Variants in ZNF440 observed in about 807,000 individuals in gnomAD.
The protein encoded by ZNF440 is zinc finger protein 440.
Under a neutral mutation model 49.7 loss-of-function variants are expected in ZNF440, and 47 were observed. The observed-to-expected ratio is 0.95, with a 90% CI of 0.75 to 1.21. ZNF440 has a LOEUF of 1.21. Among genes scored for constraint, ZNF440 ranks in the 50% most tolerant of loss-of-function variants. The pLI, the probability that ZNF440 is intolerant of heterozygous loss-of-function variation, is 0.00. For synonymous variants in ZNF440, 255 were observed against 237.7 expected (o/e 1.07, Z -0.67); for missense variants, 703 against 715.0 (o/e 0.98, Z 0.19).
rs370416370 is a variant in ZNF440, at chr19:11,831,913, A to C, written c.737A>C (p.His246Pro). The change falls in exon 4 of 4, where the codon CAT becomes CCT. Residue 246 changes from histidine (H) to proline (P), a missense_variant. By Grantham distance (77) the His-to-Pro change is moderately conservative (BLOSUM62 -2). Coordinates refer to ENST00000304060, the MANE Select transcript of ZNF440 (RefSeq NM_152357.3). ...AGTTATTCTGCTACCCATCGAATAC[A>C]TAAAAGAACTCACACTGGAGAAAAG... is the stretch of plus-strand genomic sequence containing the variant. Reference protein sequence around the residue: ...SFSYSATHRIHKRTHTGEKPY... With the variant: ...SFSYSATHRIPKRTHTGEKPY... 1 of 1,614,000 alleles carries C rather than the reference A, an allele frequency of 6.2e-7. No individual in the cohort carries two copies. The highest frequency in any genetic ancestry group is 1.3e-5 in the African/African-American group (1 of 75,036).
chr19:11,829,385 A>G (rs565439784), intron 1 of ZNF440, among the ~76,000 whole-genome samples: 1 of 151,154 alleles, frequency 6.6e-6, no homozygotes, highest in South Asian at 2.1e-4. Context: ...GGGATTTCCC[A>G]GGGGCTCCCC....
intron 1 of ZNF440, among the ~76,000 whole-genome samples, chr19:11,824,201 A>G (rs898286509): frequency 2.0e-5 from 3 of 150,022 alleles, no homozygotes; most frequent in Non-Finnish European, 4.5e-5. Flanking sequence ...AAAAAAAAAA[A>G]GAAAAGAAAA....
intron 1 of ZNF440, among the ~76,000 whole-genome samples, chr19:11,827,308 C>G (rs909009895): frequency 6.6e-6 from 1 of 152,092 alleles, no homozygotes; most frequent in African/African-American, 2.4e-5. Flanking sequence ...GGTGATCCAC[C>G]CGTCTCTGCC....
chr19:11,821,591 G>C (rs1018814376), intron 1 of ZNF440, among the ~76,000 whole-genome samples: 1 of 152,018 alleles, frequency 6.6e-6, no homozygotes, highest in Non-Finnish European at 1.5e-5. Context: ...CACACAGGGG[G>C]GTATAGTGCA....
At position 11,835,146 on chromosome 19, in the gene ZNF440, A is replaced by G. The variant is rs1976003814; in HGVS notation, c.*2182A>G. On this transcript the variant is annotated 3_prime_UTR_variant, in exon 4 of 4. Transcript: ENST00000304060. Reference sequence around the variant, plus strand: ...TTTGGGAGGCCGAGGCGGGCGGATCACTAGGTCAGGAAATGGAGACCATCC... The same window carrying G: ...TTTGGGAGGCCGAGGCGGGCGGATCGCTAGGTCAGGAAATGGAGACCATCC... 6.6e-6 allele frequency: 1 copy of G among 152,262 alleles called. No homozygotes were observed. The highest frequency in any genetic ancestry group is 2.1e-4 in the South Asian group (1 of 4,838). The allele number at this position is 152,262 out of a possible 1,614,324, so 9.4% of individuals were successfully genotyped here.
chr19:11,822,898 C>T (rs1975816574), intron 1 of ZNF440, among the ~76,000 whole-genome samples: 1 of 148,864 alleles, frequency 6.7e-6, no homozygotes, highest in African/African-American at 2.5e-5. Context: ...TTCCATTGGT[C>T]TATCTTTGTC....
intron 1 of ZNF440, 86 bp from the exon 2 acceptor site, chr19:11,830,197 A>G: frequency 2.5e-6 from 4 of 1,581,704 alleles, no homozygotes; most frequent in Non-Finnish European, 3.4e-6. Flanking sequence ...AGTCCACGGC[A>G]TCCTGAGAAC....
intron 1 of ZNF440, among the ~76,000 whole-genome samples, chr19:11,827,134 G>T (rs1457443709): frequency 6.6e-6 from 1 of 151,296 alleles, no homozygotes; most frequent in Non-Finnish European, 1.5e-5. Context: ...CGTAATCTTG[G>T]CTCACTGCAA....
intron 1 of ZNF440, among the ~76,000 whole-genome samples, chr19:11,821,100 T>A (rs565886255): frequency 1.1e-4 from 17 of 152,298 alleles, no homozygotes; most frequent in African/African-American, 4.1e-4. Context: ...TCAGATTGTC[T>A]TTTGGTTGAG....
In ZNF440 at chr19:11,831,857, A is replaced by G. The variant is rs765575273; in HGVS notation, c.681A>G (p.Pro227=). 8.7e-6 allele frequency: 14 copies of G among 1,613,868 alleles called. No homozygotes were observed. Among genetic ancestry groups the G allele is most frequent in the Middle Eastern group, 1.7e-4 (1 of 6,060 alleles). The change falls in exon 4 of 4, where the codon CCA becomes CCG. Residue 227 remains proline (P), a synonymous_variant. Transcript: ENST00000304060. Reference sequence around the variant, plus strand: ...AAAGAATTCACACTGGAGAGAAACCATGTGAATGTAAACAGTGTGGTAAAT... The same window carrying G: ...AAAGAATTCACACTGGAGAGAAACCGTGTGAATGTAAACAGTGTGGTAAAT... ...IHERIHTGEK[P]CECKQCGKSF...
intron 1 of ZNF440, among the ~76,000 whole-genome samples, chr19:11,823,656 G>T (rs1346080117): frequency 6.6e-6 from 1 of 151,888 alleles, no homozygotes; most frequent in Non-Finnish European, 1.5e-5. Flanking sequence ...TGGACTTGAA[G>T]AAAATTAGTT....
At chr19:11,819,710 G>A (rs890134975) in intron 1 of ZNF440, among the ~76,000 whole-genome samples, 1 of 152,138 alleles carries the variant, frequency 6.6e-6, no homozygotes, top group Non-Finnish European at 1.5e-5. Context: ...TGACTTACTT[G>A]TTCACACAGC....
At position 11,831,526 on chromosome 19, in the gene ZNF440, G is replaced by A. The variant is rs753391461; in HGVS notation, c.350G>A (p.Gly117Asp). 1 of 1,614,030 alleles carries A rather than the reference G, an allele frequency of 6.2e-7. No individual in the cohort carries two copies. Among genetic ancestry groups the A allele is most frequent in the Admixed American group, 1.7e-5 (1 of 60,008 alleles). The change falls in exon 4 of 4, where the codon GGT becomes GAT. Residue 117 changes from glycine to aspartate, a missense_variant. By Grantham distance (94) the Gly-to-Asp change is moderately conservative (BLOSUM62 -1). Transcript: ENST00000304060. ...TTTGTGTGTGGAGAAGTTGGCCTAG[G>A]TAACTCATCTTTTAATATGAACATC... ...ESFVCGEVGL[G>D]NSSFNMNIRG...
In ZNF440 at chr19:11,832,982, C is replaced by G; in HGVS notation, c.*18C>G. 6.2e-7 allele frequency: 1 copy of G among 1,602,210 alleles called. No homozygotes were observed. The highest frequency in any genetic ancestry group is 8.5e-7 in the Non-Finnish European group (1 of 1,177,690). On this transcript the variant is annotated 3_prime_UTR_variant, in exon 4 of 4. Transcript: ENST00000304060. ...ACACATAATGCACTCTGTAGAGAGA[C>G]CTTATAAATGTAAGATATGTGGGAG...
chr19:11,819,288 G>C (rs999810335), intron 1 of ZNF440, among the ~76,000 whole-genome samples: 1 of 152,150 alleles, frequency 6.6e-6, no homozygotes, highest in Admixed American at 6.6e-5. Context: ...GGAAAGGAGG[G>C]TTCCAACTGG....
At chr19:11,830,812 CAT>C in intron 3 of ZNF440, 135 bp downstream of exon 3, 4 of 1,209,288 alleles carry the variant, frequency 3.3e-6, no homozygotes, top group South Asian at 1.6e-5. Flanking sequence ...GATCAAAAAA[CAT>C]ATATGTAAAT....
At chr19:11,819,641 C>T (rs1373659138) in intron 1 of ZNF440, among the ~76,000 whole-genome samples, 15 of 152,186 alleles carry the variant, frequency 9.9e-5, no homozygotes, top group Non-Finnish European at 1.0e-4. Flanking sequence ...CTCAAGTGAT[C>T]CGTTCGCCTT....
At chr19:11,827,936 G>A (rs1975886819) in intron 1 of ZNF440, among the ~76,000 whole-genome samples, 2 of 152,010 alleles carry the variant, frequency 1.3e-5, no homozygotes, top group Non-Finnish European at 1.5e-5. Flanking sequence ...TGCCTCTCTT[G>A]TCATCTTATG....
rs779885377 is a variant in ZNF440, at chr19:11,832,758, C to T, written c.1582C>T (p.Gln528Ter). The T allele has an allele frequency of 6.2e-7, 1 of 1,612,850 alleles. No homozygotes were observed. The highest frequency in any genetic ancestry group is 8.5e-7 in the Non-Finnish European group (1 of 1,179,622). The change falls in exon 4 of 4, where the codon CAA becomes TAA. Residue 528 changes from glutamine (Q) to a stop codon, truncating the protein, a stop_gained. Coordinates refer to ENST00000304060, the MANE Select transcript of ZNF440 (RefSeq NM_152357.3). LOFTEE classifies it high-confidence loss of function. ...SNVGKPSELC[Q>*]SFECMVGLTL... Reference sequence around the variant, plus strand: ...TGTGGGAAAGCCTTCAGAGCTGTGTCAATCCTTTGAATGCATGGTAGGACT... The same window carrying T: ...TGTGGGAAAGCCTTCAGAGCTGTGTTAATCCTTTGAATGCATGGTAGGACT...
Sources: allele counts gnomAD v4.1 joint callset (sites outside exome capture counted in the v4.1 genomes callset), GRCh38; gene constraint gnomAD v4.1.1; transcripts MANE v1.5; gene names NCBI Gene and HGNC (gene_info 2026-07-23, HGNC 2026-07-21).